Variants in RPP40 observed in about 807,000 individuals in gnomAD.
RPP40 encodes the protein ribonuclease P protein subunit p40.
In RPP40, 30 loss-of-function variants were observed where a neutral mutation model predicts 42.5. The observed-to-expected ratio is 0.71, with a 90% CI of 0.53 to 0.96. The LOEUF is 0.96. RPP40 is among the 40% of genes least tolerant of loss of function. The pLI, the probability that RPP40 is intolerant of heterozygous loss-of-function variation, is 0.00. For missense variants in RPP40, 426 were observed against 433.5 expected (o/e 0.98, Z 0.15); for synonymous variants, 173 against 164.0 (o/e 1.05, Z -0.42).
intron 3 of RPP40, 110 bp from the exon 4 acceptor site, chr6:5,000,014 A>G (rs1284683547): frequency 1.6e-6 from 1 of 640,850 alleles, no homozygotes; most frequent in African/African-American, 1.8e-5. Flanking sequence ...AACAAACTGC[A>G]TACAAGGATC....
intron 5 of RPP40, among the ~76,000 whole-genome samples, chr6:4,997,407 C>T (rs775738916): frequency 6.6e-6 from 1 of 152,214 alleles, no homozygotes; most frequent in Non-Finnish European, 1.5e-5. Context: ...TGCCCTTGGA[C>T]AGCAGAACTC....
the RPP40 span, among the ~76,000 whole-genome samples, chr6:4,989,329 T>A: frequency 5.9e-4 from 90 of 152,342 alleles, no homozygotes; most frequent in Admixed American, 3.0e-3. Context: ...TGCTTTAGAA[T>A]AACTCCTTAA....
At chr6:4,995,331 CA>C in intron 7 of RPP40, 55 bp from the exon 8 acceptor site, 2 of 1,275,464 alleles carry the variant, frequency 1.6e-6, no homozygotes, top group Non-Finnish European at 2.2e-6. Context: ...GGAATGTCTG[CA>C]TTTTAAAAAA....
Position 5,003,982 on chromosome 6 carries a change from A to C in RPP40, c.21T>G (p.Leu7=). The part of the protein sequence containing the change: MATLRR[L]REAPRHLLVC... The stretch of plus-strand genomic sequence containing the variant: ...CCAGTAAGTGCCGCGGCGCCTCCCG[A>C]AGCCGGCGCAGCGTGGCCATGCTCT... Residue 7 remains leucine, a synonymous_variant, in exon 1 of 8, where the codon CTT becomes CTG. Transcript: ENST00000380051. The C allele has an allele frequency of 6.2e-7, 1 of 1,610,768 alleles. No homozygotes were observed. The highest frequency in any genetic ancestry group is 1.1e-5 in the South Asian group (1 of 91,002).
downstream of RPP40, among the ~76,000 whole-genome samples, chr6:4,990,256 A>G (rs1759243660): frequency 6.6e-6 from 1 of 151,570 alleles, no homozygotes; most frequent in African/African-American, 2.4e-5. Flanking sequence ...TCAACCCTAC[A>G]CTCCTTGGAT....
chr6:5,000,678 C>G (rs371262049), intron 2 of RPP40, 47 bp from the exon 3 acceptor site: 12 of 1,141,672 alleles, frequency 1.1e-5, no homozygotes, highest in African/African-American at 9.3e-5. Context: ...GAAATTACAC[C>G]TGCAAGATGT....
At position 4,994,782 on chromosome 6, in the gene RPP40, G is replaced by T; in HGVS notation, c.*296C>A. On this transcript the variant is annotated 3_prime_UTR_variant, in exon 8 of 8. Transcript: ENST00000380051. Reference sequence around the variant, plus strand: ...TGAACAAAATATATCTCAACCAATGGAGTGAGATGGGGACCAATATCCCCG... The same window carrying T: ...TGAACAAAATATATCTCAACCAATGTAGTGAGATGGGGACCAATATCCCCG... 3.0e-6 allele frequency: 1 copy of T among 338,762 alleles called. No homozygotes were observed. Among genetic ancestry groups the T allele is most frequent in the South Asian group, 8.2e-5 (1 of 12,124 alleles). 21.0% of individuals were successfully genotyped at this position (338,762 alleles called of 1,614,324 possible).
intron 1 of RPP40, 34 bp downstream of exon 1, chr6:5,003,846 C>T (rs978283564): frequency 1.2e-5 from 19 of 1,591,356 alleles, no homozygotes; most frequent in Non-Finnish European, 1.6e-5. Flanking sequence ...GGGGACTGAG[C>T]ACGGCCCGAA....
chr6:4,993,899 T>C (rs1015536123), downstream of RPP40, among the ~76,000 whole-genome samples: 2 of 152,094 alleles, frequency 1.3e-5, no homozygotes, highest in African/African-American at 4.8e-5. Flanking sequence ...GGTCTCCTGT[T>C]AGTTTTCCTC....
At chr6:5,003,743 C>T in intron 1 of RPP40, 137 bp downstream of exon 1, 1 of 1,154,040 alleles carries the variant, frequency 8.7e-7, no homozygotes. Context: ...ACTACAACTC[C>T]CAGCAAGCCG....
At position 4,995,984 on chromosome 6, in the gene RPP40, G is replaced by C; in HGVS notation, c.860C>G (p.Pro287Arg). Residue 287 changes from proline (P) to arginine (R), a missense_variant, in exon 7 of 8, where the codon CCA becomes CGA. Pro to Arg is a moderately radical substitution (Grantham distance 103). Transcript: ENST00000380051. ...YLCTITGFIL[P>R]EKICLLLEHL... ...TTCCAATAGGAGACAGATCTTCTCT[G>C]GAAGTATGAAGCCAGTGATTGTACA... 2 of 1,614,092 alleles carry C rather than the reference G, an allele frequency of 1.2e-6. No homozygotes were observed. Among genetic ancestry groups the C allele is most frequent in the Non-Finnish European group, 8.5e-7 (1 of 1,179,968 alleles).
Position 4,995,121 on chromosome 6 carries a change from C to T in RPP40, c.1049G>A (p.Trp350Ter). The T allele has an allele frequency of 6.2e-7, 1 of 1,613,998 alleles. No individual in the cohort carries two copies. Among genetic ancestry groups the T allele is most frequent in the Non-Finnish European group, 8.5e-7 (1 of 1,179,956 alleles). ...ATTTGCCCCAACAGCCATCTGAAGC[C>T]AATAGTCCTGATTATTAAAAATCAC... The part of the protein sequence containing the change: ...NFVIFNNQDY[W>*]LQMAVGANDH... Residue 350 changes from tryptophan to a stop codon, truncating the protein, a stop_gained, in exon 8 of 8, where the codon TGG (tryptophan) becomes TAG (stop). Transcript: ENST00000380051. LOFTEE classifies it high-confidence loss of function.
intron 4 of RPP40, among the ~76,000 whole-genome samples, chr6:4,999,267 C>T (rs1178264122): frequency 6.7e-6 from 1 of 149,728 alleles, no homozygotes; most frequent in Admixed American, 6.6e-5. Context: ...GTTGTAGACT[C>T]CTATCTTGGG....
intron 1 of RPP40, chr6:5,003,538 T>C: frequency 5.0e-6 from 1 of 199,560 alleles, no homozygotes; most frequent in East Asian, 1.2e-4. Flanking sequence ...CCCCACAGCC[T>C]AACTCCCTGG....
rs376284652 is a variant in RPP40 at position 4,995,904 on chromosome 6, G to A, written c.893+47C>T. The A allele has an allele frequency of 2.0e-5, 32 of 1,580,530 alleles. No homozygotes were observed. The African/African-American group carries it at 3.7e-4, about 18-fold the overall frequency. On this transcript the variant is annotated intron_variant, in intron 7 of 7. Transcript: ENST00000380051. ...AAAAATCTATACTATTCGACATACT[G>A]TTCTATAGAGCACTGATGAGCGATA... is the stretch of plus-strand genomic sequence containing the variant.
chr6:4,995,194 T>C lies in RPP40; in HGVS notation c.976A>G (p.Lys326Glu), dbSNP rs1400106099. 2 of 1,614,204 alleles carry C rather than the reference T, an allele frequency of 1.2e-6. No individual in the cohort carries two copies. Among genetic ancestry groups the C allele is most frequent in the Admixed American group, 1.7e-5 (1 of 60,028 alleles). Reference protein sequence around the residue: ...GFADSPVSWEKNEHGFRKGGE... With the variant: ...GFADSPVSWEENEHGFRKGGE... ...CCTTTTCGAAAACCATGTTCATTTTTTTCCCAAGAAACAGGGCTGTCTGCA... is the reference window on the plus strand; with the variant it reads ...CCTTTTCGAAAACCATGTTCATTTTCTTCCCAAGAAACAGGGCTGTCTGCA... The change falls in exon 8 of 8, where the codon AAA (lysine) becomes GAA (glutamate). Residue 326 changes from lysine (K) to glutamate (E), a missense_variant. Coordinates refer to ENST00000380051, the MANE Select transcript of RPP40 (RefSeq NM_006638.4).
rs559784189 is a variant in RPP40, at chr6:4,995,810, G to A, written c.893+141C>T. The A allele has an allele frequency of 2.4e-4, 162 of 677,068 alleles. 1 individual carries two copies. The highest frequency in any genetic ancestry group is 2.3e-3 in the African/African-American group (126 of 55,222). The allele number at this position is 677,068 out of a possible 1,614,324, so 41.9% of individuals were successfully genotyped here. A position where few individuals can be genotyped will look rare whatever the true frequency, so the allele number is the denominator to read the frequency against. ...CTAAATAGGATTATACTCAATGTAC[G>A]GTCTTTGCAATAGGCGATTTGAGTT... On this transcript the variant is annotated intron_variant, in intron 7 of 7. Transcript: ENST00000380051.
At chr6:5,003,289 G>A (rs544831945) in intron 1 of RPP40, among the ~76,000 whole-genome samples, 354 of 143,834 alleles carry the variant, frequency 2.5e-3, no homozygotes, top group Middle Eastern at 0.02. Context: ...GGAGCCTGCA[G>A]TGAGCCGAGA....
Position 4,999,800 on chromosome 6 carries a change from G to T in RPP40, c.433+9C>A, listed in dbSNP as rs763809079. On this transcript the variant is annotated intron_variant, in intron 4 of 7. Coordinates refer to ENST00000380051, the MANE Select transcript of RPP40 (RefSeq NM_006638.4). The stretch of plus-strand genomic sequence containing the variant: ...GATTAGAAACAGATGGAACACACAT[G>T]ATACTTACTAAATTTCATAATTTTT... The T allele has an allele frequency of 8.2e-6, 12 of 1,456,496 alleles. No homozygotes were observed. The South Asian group carries it at 1.1e-4, about 14-fold the overall frequency. 90.2% of individuals were successfully genotyped at this position (1,456,496 alleles called of 1,614,324 possible). A position where few individuals can be genotyped will look rare whatever the true frequency, so the allele number is the denominator to read the frequency against.
Sources: gnomAD v4.1 joint callset for allele counts (sites outside exome capture counted in the v4.1 genomes callset) on GRCh38, gnomAD v4.1.1 for gene constraint, MANE v1.5 for transcripts, NCBI Gene and HGNC (gene_info 2026-07-23, HGNC 2026-07-21) for gene names.